GPLD1: variants seen among roughly 807,000 people sequenced by gnomAD.
GPLD1 encodes the protein glycosylphosphatidylinositol specific phospholipase D1.
In GPLD1, 84 loss-of-function variants were observed where a neutral mutation model predicts 112.6. The observed-to-expected ratio is 0.75, with a 90% CI of 0.63 to 0.89. The LOEUF (loss-of-function observed/expected upper bound fraction) is 0.89. Among genes scored for constraint, GPLD1 ranks in the 40% least tolerant of loss-of-function variants. The pLI is 0.00. For synonymous variants in GPLD1, 386 were observed against 403.8 expected, an observed-to-expected ratio of 0.96 and a Z score of 0.53; for missense variants, 1,044 against 1,051.5, an observed-to-expected ratio of 0.99 and a Z score of 0.10.
intron 22 of GPLD1, among the ~76,000 whole-genome samples, chr6:24,435,639 C>T (rs1012794413): frequency 6.6e-6 from 1 of 150,378 alleles, no homozygotes; most frequent in Non-Finnish European, 1.5e-5. Context: ...GCCTGGCCGA[C>T]ATGGTGAAAC....
rs754089803 is a variant in GPLD1, at chr6:24,437,266, G to T, written c.2044C>A (p.Leu682Met). 12 of 1,613,976 alleles carry T rather than the reference G, an allele frequency of 7.4e-6. No individual in the cohort carries two copies. The highest frequency in any genetic ancestry group is 1.0e-5 in the Non-Finnish European group (12 of 1,179,994). The change falls in exon 21 of 25, where the codon CTG (leucine) becomes ATG (methionine). Residue 682 changes from leucine to methionine, a missense_variant. Leu to Met is a conservative substitution (Grantham distance 15). Transcript: ENST00000230036. ...TYDDVSKVAF[L>M]TVTLHQGGAT... ...CCGCCTTGGTGTAGGGTCACGGTCA[G>T]GAATGCCACCTTAGACACGTCATCT...
At chr6:24,473,734 C>G (rs951249932) in intron 5 of GPLD1, 67 bp from the exon 6 acceptor site, 6 of 1,044,046 alleles carry the variant, frequency 5.7e-6, no homozygotes, top group East Asian at 4.9e-5. Context: ...CTTCCACAGT[C>G]AAGCAAGTGG....
intron 24 of GPLD1, among the ~76,000 whole-genome samples, chr6:24,432,843 C>T (rs188323216): frequency 9.9e-5 from 15 of 152,266 alleles, no homozygotes; most frequent in Admixed American, 2.6e-4. Flanking sequence ...GCTGTGTGGG[C>T]GCTGAAACTG....
intron 1 of GPLD1, among the ~76,000 whole-genome samples, chr6:24,494,633 T>C (rs900186496): frequency 8.5e-5 from 13 of 152,138 alleles, no homozygotes; most frequent in South Asian, 2.1e-4. Context: ...CTAGCAGCGA[T>C]TGGGGGCTCA....
At chr6:24,436,413 G>C (rs1331318326) in intron 22 of GPLD1, among the ~76,000 whole-genome samples, 163 bp downstream of exon 22, 2 of 152,222 alleles carry the variant, frequency 1.3e-5, no homozygotes, top group Non-Finnish European at 2.9e-5. Context: ...AGAACTGTAA[G>C]AACTGCAGGC....
chr6:24,431,811 A>G (rs1371132751), intron 24 of GPLD1, among the ~76,000 whole-genome samples: 3 of 152,116 alleles, frequency 2.0e-5, no homozygotes, highest in Admixed American at 6.6e-5. Flanking sequence ...CTGGGATTAC[A>G]GGTGTGACCC....
chr6:24,479,276 G>A (rs577258992), intron 3 of GPLD1, among the ~76,000 whole-genome samples: 2 of 152,200 alleles, frequency 1.3e-5, no homozygotes, highest in Middle Eastern at 6.8e-3. Context: ...CAGTCTGTAA[G>A]AGAGAGAGTG....
At chr6:24,436,440 A>G in intron 22 of GPLD1, 136 bp downstream of exon 22, 1 of 717,122 alleles carries the variant, frequency 1.4e-6, no homozygotes, top group African/African-American at 1.8e-5. Context: ...GGCCCACAAA[A>G]CATGGACAGA....
At chr6:24,473,513 T>C in intron 6 of GPLD1, 106 bp downstream of exon 6, 3 of 702,580 alleles carry the variant, frequency 4.3e-6, no homozygotes, top group East Asian at 2.5e-5. Context: ...AGAAAATACA[T>C]GCAACCAGCA....
chr6:24,441,724 G>T (rs1762751635), intron 20 of GPLD1, among the ~76,000 whole-genome samples: 1 of 152,194 alleles, frequency 6.6e-6, no homozygotes, highest in African/African-American at 2.4e-5. Context: ...GGTCACACAG[G>T]CACTGCATTT....
intron 2 of GPLD1, among the ~76,000 whole-genome samples, chr6:24,482,323 C>T (rs1764232572): frequency 6.6e-6 from 1 of 151,796 alleles, no homozygotes; most frequent in Non-Finnish European, 1.5e-5. Context: ...CTCTGTCACC[C>T]AGGCTAGAGT....
At chr6:24,451,283 G>A (rs1341656563) in intron 14 of GPLD1, among the ~76,000 whole-genome samples, 1 of 152,072 alleles carries the variant, frequency 6.6e-6, no homozygotes, top group Admixed American at 6.5e-5. Flanking sequence ...CTACCGTCTG[G>A]AATCAGCCTA....
At chr6:24,492,348 A>G (rs140794771), upstream of GPLD1, among the ~76,000 whole-genome samples, 1 of 152,020 alleles carries the variant, frequency 6.6e-6, no homozygotes, top group Admixed American at 6.5e-5. Context: ...CTACTAAACA[A>G]TACAAAAATT....
chr6:24,482,791 T>C (rs1764248388), intron 2 of GPLD1, among the ~76,000 whole-genome samples: 1 of 152,014 alleles, frequency 6.6e-6, no homozygotes, highest in African/African-American at 2.4e-5. Flanking sequence ...AGACTCTGTT[T>C]CTACAAAAAA....
chr6:24,436,107 T>C (rs115892533), intron 22 of GPLD1, among the ~76,000 whole-genome samples: 3,782 of 151,882 alleles, frequency 0.025, 54 homozygotes, highest in Middle Eastern at 0.054. Context: ...AATAAAAAGA[T>C]TAGCCGGGTG....
At chr6:24,436,965 T>G (rs1762598538) in intron 21 of GPLD1, 148 bp downstream of exon 21, 1 of 738,214 alleles carries the variant, frequency 1.4e-6, no homozygotes, top group South Asian at 1.8e-5. Flanking sequence ...ACTCCCTCTC[T>G]GGTCTTGCCT....
chr6:24,434,499 T>C (rs1290856571), intron 22 of GPLD1, among the ~76,000 whole-genome samples: 1 of 152,138 alleles, frequency 6.6e-6, no homozygotes, highest in African/African-American at 2.4e-5. Context: ...GGGTAGGCTT[T>C]AGAATCAGAT....
intron 10 of GPLD1, among the ~76,000 whole-genome samples, chr6:24,463,160 A>T (rs7742404): frequency 0.8 from 121,563 of 152,060 alleles, 49,585 homozygotes; most frequent in Non-Finnish European, 0.88. Context: ...TTTATGCCTA[A>T]ATGTGTCTGA....
chr6:24,435,038 G>A (rs1222949902), intron 22 of GPLD1, among the ~76,000 whole-genome samples: 1 of 142,630 alleles, frequency 7.0e-6, no homozygotes, highest in Admixed American at 7.2e-5. Context: ...TTTTGAGACA[G>A]AGTCTTGCTG....
Sources: gnomAD v4.1 joint callset for allele counts (sites outside exome capture counted in the v4.1 genomes callset) on GRCh38, gnomAD v4.1.1 for gene constraint, MANE v1.5 for transcripts, NCBI Gene and HGNC (gene_info 2026-07-23, HGNC 2026-07-21) for gene names.